The following AGMO variants were observed in gnomAD, a reference collection of about 807,000 sequenced individuals.
AGMO encodes alkylglycerol monooxygenase.
A neutral mutation model predicts 60.2 loss-of-function variants in AGMO; 75 were observed. The observed-to-expected ratio is 1.25, with a 90% CI of 1.03 to 1.51. AGMO has a LOEUF of 1.51. Ranked by LOEUF, AGMO falls within the 40% of genes most tolerant of loss-of-function variation. The pLI is 0.00. For synonymous variants in AGMO, 261 were observed against 177.1 expected (o/e 1.47, Z -3.76); for missense variants, 763 against 525.5 (o/e 1.45, Z -4.42).
At chr7:15,371,422 T>G (rs1456224099) in intron 10 of AGMO, among the ~76,000 whole-genome samples, 1 of 151,616 alleles carries the variant, frequency 6.6e-6, no homozygotes, top group Non-Finnish European at 1.5e-5. Context: ...CAGAATTTCG[T>G]TCTTGTTGCC....
chr7:15,211,714 T>A (rs747970067), intron 12 of AGMO, among the ~76,000 whole-genome samples: 1 of 152,048 alleles, frequency 6.6e-6, no homozygotes, highest in African/African-American at 2.4e-5. Flanking sequence ...TCTTTCATAT[T>A]TCATTAAATT....
At chr7:15,325,416 G>A (rs1781306608) in intron 12 of AGMO, among the ~76,000 whole-genome samples, 1 of 151,678 alleles carries the variant, frequency 6.6e-6, no homozygotes, top group Non-Finnish European at 1.5e-5. Flanking sequence ...GCGTTCAAGG[G>A]CATGTCAGAT....
intron 5 of AGMO, among the ~76,000 whole-genome samples, chr7:15,404,571 G>A (rs1784635435): frequency 6.6e-6 from 1 of 151,776 alleles, no homozygotes; most frequent in African/African-American, 2.4e-5. Flanking sequence ...TACAGGTTTA[G>A]GCATCCAGTG....
chr7:15,476,861 G>A (rs77792095), intron 3 of AGMO, among the ~76,000 whole-genome samples: 1 of 152,094 alleles, frequency 6.6e-6, no homozygotes, highest in Non-Finnish European at 1.5e-5. Context: ...TTATTTTATG[G>A]ATGAGGAAAT....
chr7:15,277,332 A>T (rs1012818600), intron 12 of AGMO, among the ~76,000 whole-genome samples: 4 of 146,796 alleles, frequency 2.7e-5, no homozygotes, highest in Non-Finnish European at 6.0e-5. Flanking sequence ...TAAATAAATA[A>T]ATAAATAAAT....
intron 12 of AGMO, among the ~76,000 whole-genome samples, chr7:15,346,151 T>C (rs975250506): frequency 6.6e-5 from 10 of 152,286 alleles, no homozygotes; most frequent in Admixed American, 3.3e-4. Flanking sequence ...ATAAAAGCTA[T>C]GCTTTTCAAA....
chr7:15,190,418 C>G, the AGMO span, among the ~76,000 whole-genome samples: 4,703 of 151,698 alleles, frequency 0.031, 250 homozygotes, highest in African/African-American at 0.11. Context: ...TAAAGTAGAT[C>G]ATACTTCATA....
At chr7:15,227,986 G>A (rs1169320252) in intron 12 of AGMO, among the ~76,000 whole-genome samples, 2 of 152,110 alleles carry the variant, frequency 1.3e-5, no homozygotes, top group Non-Finnish European at 2.9e-5. Flanking sequence ...AATACTGACT[G>A]CCCATGTTGC....
chr7:15,388,561 A>G (rs1784015133), intron 8 of AGMO, among the ~76,000 whole-genome samples: 1 of 152,232 alleles, frequency 6.6e-6, no homozygotes, highest in African/African-American at 2.4e-5. Flanking sequence ...AATATATGGT[A>G]ATGTTTTAAA....
intron 12 of AGMO, among the ~76,000 whole-genome samples, chr7:15,253,198 T>C (rs1320140781): frequency 6.6e-6 from 1 of 152,198 alleles, no homozygotes; most frequent in Non-Finnish European, 1.5e-5. Context: ...TATTTTTGTG[T>C]AGATGAGAAA....
At chr7:15,279,660 A>G (rs1783906104) in intron 12 of AGMO, among the ~76,000 whole-genome samples, 1 of 152,122 alleles carries the variant, frequency 6.6e-6, no homozygotes, top group Non-Finnish European at 1.5e-5. Context: ...GGAACACTGA[A>G]AGAAACCACA....
chr7:15,523,383 A>G (rs933594110), intron 3 of AGMO, among the ~76,000 whole-genome samples: 16 of 152,210 alleles, frequency 1.1e-4, no homozygotes, highest in Admixed American at 3.3e-4. Flanking sequence ...ACATGCACAC[A>G]TATGTTTATT....
intron 12 of AGMO, among the ~76,000 whole-genome samples, chr7:15,294,450 T>C (rs1563073539): frequency 6.6e-6 from 1 of 151,840 alleles, no homozygotes; most frequent in African/African-American, 2.4e-5. Flanking sequence ...TAGAATAATA[T>C]TTAACATACC....
At chr7:15,363,680 A>C (rs1470104921) in intron 12 of AGMO, among the ~76,000 whole-genome samples, 1 of 152,264 alleles carries the variant, frequency 6.6e-6, no homozygotes, top group East Asian at 1.9e-4. Context: ...GACATACTAC[A>C]TTGCCCTCCA....
At chr7:15,359,525 TG>T (rs1477017462) in intron 12 of AGMO, among the ~76,000 whole-genome samples, 1 of 152,148 alleles carries the variant, frequency 6.6e-6, no homozygotes, top group South Asian at 2.1e-4. Context: ...ATATCATGTA[TG>T]TTTTTTTGTA....
chr7:15,212,878 T>C (rs1781633017), intron 12 of AGMO, among the ~76,000 whole-genome samples: 1 of 151,970 alleles, frequency 6.6e-6, no homozygotes, highest in African/African-American at 2.4e-5. Flanking sequence ...ATGTTCAATT[T>C]AAATAAGGTA....
intron 6 of AGMO, among the ~76,000 whole-genome samples, chr7:15,393,336 G>T (rs188677399): frequency 4.6e-5 from 7 of 152,262 alleles, no homozygotes; most frequent in African/African-American, 1.4e-4. Flanking sequence ...ATTTACTTAT[G>T]TATTCATTTT....
chr7:15,546,403 GTACCCATA>G (rs1784783586), intron 2 of AGMO, among the ~76,000 whole-genome samples: 1 of 152,138 alleles, frequency 6.6e-6, no homozygotes, highest in Non-Finnish European at 1.5e-5. Flanking sequence ...GACTCATCCT[GTACCCATA>G]CCACATTGCC....
At chr7:15,364,969 A>C (rs1039395779) in intron 12 of AGMO, among the ~76,000 whole-genome samples, 13 of 152,056 alleles carry the variant, frequency 8.5e-5, no homozygotes, top group Non-Finnish European at 1.2e-4. Flanking sequence ...GATTCTAAAC[A>C]ATAAATATAG....
Sources: gnomAD v4.1 joint callset for allele counts (sites outside exome capture counted in the v4.1 genomes callset) on GRCh38, gnomAD v4.1.1 for gene constraint, MANE v1.5 for transcripts, NCBI Gene and HGNC (gene_info 2026-07-23, HGNC 2026-07-21) for gene names.